DLL4: variants seen among roughly 807,000 people sequenced by gnomAD.
The protein encoded by DLL4 is delta-like protein 4.
DLL4 carries 7 observed loss-of-function variants against 73.6 expected under a neutral mutation model. The ratio of observed to expected loss-of-function variants is 0.10; its 90% confidence interval spans 0.05 to 0.18. The LOEUF is 0.18. Among genes scored for constraint, DLL4 ranks in the 10% least tolerant of loss-of-function variants. The probability of loss-of-function intolerance (pLI) is 1.00; values close to 1 mark genes in which losing one functional copy is unlikely to be tolerated. For synonymous variants in DLL4, 345 were observed against 374.3 expected (o/e 0.92, Z 0.90); for missense variants, 614 against 929.9 (o/e 0.66, Z 4.42).
intron 8 of DLL4, 106 bp downstream of exon 8, chr15:40,935,223 C>A: frequency 9.0e-7 from 1 of 1,116,794 alleles, no homozygotes; most frequent in Non-Finnish European, 1.3e-6. Flanking sequence ...GCCACTCTGG[C>A]CCCCCATCTG....
intron 10 of DLL4, among the ~76,000 whole-genome samples, 194 bp from the exon 11 acceptor site, chr15:40,937,835 G>T (rs1173023566): frequency 3.3e-5 from 5 of 152,148 alleles, no homozygotes; most frequent in Non-Finnish European, 1.5e-5. Flanking sequence ...CTTCCCACTG[G>T]CTTCCTCCAT....
At position 40,930,133 on chromosome 15, in the gene DLL4, C is replaced by A; in HGVS notation, c.336+17C>A. 5 of 1,602,104 alleles carry A rather than the reference C, an allele frequency of 3.1e-6. No homozygotes were observed. The highest frequency in any genetic ancestry group is 4.3e-6 in the Non-Finnish European group (5 of 1,175,006). Reference sequence around the variant, plus strand: ...ACCTGGCCGGTGAGCACAGCCTGGGCGCACTGGGAGGTCGCAGAAGCCGAG... The same window carrying A: ...ACCTGGCCGGTGAGCACAGCCTGGGAGCACTGGGAGGTCGCAGAAGCCGAG... On this transcript the variant is annotated intron_variant, in intron 2 of 10. Coordinates refer to ENST00000249749, the MANE Select transcript of DLL4 (RefSeq NM_019074.4). The surrounding 1 kb of genome is among the most constrained non-coding windows in gnomAD (Gnocchi z 5.7).
In DLL4 at chr15:40,932,451, A is replaced by G. The variant is rs748895075; in HGVS notation, c.850+4A>G. Reference sequence around the variant, plus strand: ...GGAGGCCTGTTTTGTGACCAAGGTGAGTCAGGGTGAAGAGAGGGTGCAGAG... The same window carrying G: ...GGAGGCCTGTTTTGTGACCAAGGTGGGTCAGGGTGAAGAGAGGGTGCAGAG... On this transcript the variant is annotated splice_donor_region_variant and intron_variant, in intron 6 of 10. Transcript: ENST00000249749. 1 of 1,613,834 alleles carries G rather than the reference A, an allele frequency of 6.2e-7. No homozygotes were observed. Among genetic ancestry groups the G allele is most frequent in the Admixed American group, 1.7e-5 (1 of 60,018 alleles).
chr15:40,929,849 C>A lies in DLL4; in HGVS notation c.69C>A (p.Arg23=), dbSNP rs917452596. Residue 23 remains arginine (R), a splice_region_variant and synonymous_variant, in exon 2 of 11, where the codon CGC becomes CGA. Coordinates refer to ENST00000249749, the MANE Select transcript of DLL4 (RefSeq NM_019074.4). The surrounding 1 kb of genome is among the most constrained non-coding windows in gnomAD (Gnocchi z 7.1). The part of the protein sequence containing the change: ...LLLLVALWQQ[R]AAGSGVFQLQ... ...TTCCCTCGGTCCCTGTGCAATAGCG[C>A]GCGGCCGGCTCCGGCGTCTTCCAGC... is the stretch of plus-strand genomic sequence containing the variant. 1 of 1,611,070 alleles carries A rather than the reference C, an allele frequency of 6.2e-7. No homozygotes were observed.
At chr15:40,932,117 G>T (rs1443851721) in intron 4 of DLL4, 54 bp from the exon 5 acceptor site, 2 of 1,604,206 alleles carry the variant, frequency 1.2e-6, no homozygotes, top group Admixed American at 3.3e-5. Context: ...GTGAGAATGG[G>T]GCTTAAGAGT....
chr15:40,938,070 G>C lies in DLL4; in HGVS notation c.*36G>C. ...TACCTGGACATCCCTGCTCAGCCCC[G>C]CGGCTGGACCTTCCTTCTGCATTGT... On this transcript the variant is annotated 3_prime_UTR_variant, in exon 11 of 11. Transcript: ENST00000249749. 1 of 1,524,766 alleles carries C rather than the reference G, an allele frequency of 6.6e-7. No individual in the cohort carries two copies. Among genetic ancestry groups the C allele is most frequent in the Non-Finnish European group, 8.8e-7 (1 of 1,138,338 alleles). 94.5% of individuals were successfully genotyped at this position (1,524,766 alleles called of 1,614,324 possible). A position where few individuals can be genotyped will look rare whatever the true frequency, so the allele number is the denominator to read the frequency against.
At chr15:40,933,009 G>C (rs935623253) in intron 6 of DLL4, among the ~76,000 whole-genome samples, 2 of 152,238 alleles carry the variant, frequency 1.3e-5, no homozygotes, top group South Asian at 4.1e-4. Context: ...TCTACCTGGT[G>C]TTTAGGGGTA....
intron 8 of DLL4, 132 bp downstream of exon 8, chr15:40,935,249 A>G: frequency 2.2e-6 from 2 of 925,774 alleles, no homozygotes; most frequent in East Asian, 2.6e-5. Context: ...GAGGGCGAAG[A>G]GCTTGCTTGA....
rs752798018 is a variant in DLL4 at position 40,932,127 on chromosome 15, T to A, written c.659-44T>A. 1.9e-6 allele frequency: 3 copies of A among 1,609,806 alleles called. No individual in the cohort carries two copies. In the Admixed American group the frequency reaches 5.0e-5, roughly 27 times the overall value. ...AGCAGGTGAGAATGGGGCTTAAGAG[T>A]CCTTGGTATCCCAGCCTCACCCAGC... On this transcript the variant is annotated intron_variant, in intron 4 of 10. Coordinates refer to ENST00000249749, the MANE Select transcript of DLL4 (RefSeq NM_019074.4).
Position 40,931,600 on chromosome 15 carries a change from C to T in DLL4, c.492C>T (p.Leu164=). 6.2e-7 allele frequency: 1 copy of T among 1,613,090 alleles called. No individual in the cohort carries two copies. The highest frequency in any genetic ancestry group is 8.5e-7 in the Non-Finnish European group (1 of 1,179,500). Residue 164 remains leucine (L), a synonymous_variant, in exon 4 of 11, where the codon CTC becomes CTT. Transcript: ENST00000249749. ...NWLLDEQTST[L]TRLRYSYRVI... ...TATTGGATGAGCAAACCAGCACCCT[C>T]ACAAGGCTGCGCTACTCTTACCGGG...
intron 6 of DLL4, 127 bp from the exon 7 acceptor site, chr15:40,934,421 T>G: frequency 1.3e-6 from 1 of 786,766 alleles, no homozygotes; most frequent in South Asian, 2.0e-5. Context: ...GGAAGGATGT[T>G]TGGGCCTGGG....
rs1377506030 is a variant in DLL4 at position 40,929,878 on chromosome 15, A to G, written c.98A>G (p.Gln33Arg). Residue 33 changes from glutamine to arginine, a missense_variant, in exon 2 of 11, where the codon CAG becomes CGG. Gln to Arg is a conservative substitution (Grantham distance 43). This residue lies in a region of DLL4 where 227 missense variants were observed against 370.8 expected (regional missense o/e 0.61). Coordinates refer to ENST00000249749, the MANE Select transcript of DLL4 (RefSeq NM_019074.4). This position sits in a 1 kb window ranked among gnomAD's most constrained non-coding sequence, Gnocchi z 7.1. ...RAAGSGVFQLQLQEFINERGV... is the reference protein window; with the variant it reads ...RAAGSGVFQLRLQEFINERGV... ...GCCGGCTCCGGCGTCTTCCAGCTGC[A>G]GCTGCAGGAGTTCATCAACGAGCGC... 1 of 1,612,592 alleles carries G rather than the reference A, an allele frequency of 6.2e-7. No individual in the cohort carries two copies. Among genetic ancestry groups the G allele is most frequent in the East Asian group, 2.2e-5 (1 of 44,872 alleles).
At chr15:40,933,438 A>G (rs921223461) in intron 6 of DLL4, among the ~76,000 whole-genome samples, 1 of 152,164 alleles carries the variant, frequency 6.6e-6, no homozygotes, top group Non-Finnish European at 1.5e-5. Context: ...CAGGCCATAT[A>G]TTTACTCTGT....
intron 8 of DLL4, 35 bp from the exon 9 acceptor site, chr15:40,936,193 G>A (rs765165782): frequency 6.6e-7 from 1 of 1,514,662 alleles, no homozygotes; most frequent in South Asian, 1.3e-5. Context: ...GAGCTCCCAG[G>A]CTATCACTGA....
chr15:40,930,252 T>A lies in DLL4; in HGVS notation c.336+136T>A. On this transcript the variant is annotated intron_variant, in intron 2 of 10. Coordinates refer to ENST00000249749, the MANE Select transcript of DLL4 (RefSeq NM_019074.4). The surrounding 1 kb of genome is among the most constrained non-coding windows in gnomAD (Gnocchi z 5.7). The stretch of plus-strand genomic sequence containing the variant: ...AGCCCAGGATGCATTCTTTCCTGGC[T>A]CTTCCCGACTCTCTCCTGAGACTGA... 1 of 1,065,952 alleles carries A rather than the reference T, an allele frequency of 9.4e-7. No homozygotes were observed. The highest frequency in any genetic ancestry group is 1.3e-6 in the Non-Finnish European group (1 of 749,462). The allele number at this position is 1,065,952 out of a possible 1,614,324, so 66.0% of individuals were successfully genotyped here.
chr15:40,931,027 C>T, intron 3 of DLL4: 1 of 445,084 alleles, frequency 2.2e-6, no homozygotes, highest in Non-Finnish European at 4.0e-6. Context: ...TGTTCTGACA[C>T]AGAGGAAAAG....
At chr15:40,933,496 A>G (rs1892800148) in intron 6 of DLL4, among the ~76,000 whole-genome samples, 1 of 152,134 alleles carries the variant, frequency 6.6e-6, no homozygotes, top group African/African-American at 2.4e-5. Context: ...AAATACTTAT[A>G]TTTCAAAATA....
In DLL4 at chr15:40,938,224, G is replaced by A; in HGVS notation, c.*190G>A. 1 of 519,802 alleles carries A rather than the reference G, an allele frequency of 1.9e-6. No individual in the cohort carries two copies. Among genetic ancestry groups the A allele is most frequent in the Non-Finnish European group, 3.2e-6 (1 of 313,592 alleles). 32.2% of individuals were successfully genotyped at this position (519,802 alleles called of 1,614,324 possible). ...GCAATACCCTTCCACACCTTTGGGT[G>A]TCTGTCTGGCATCAGATTGGCAGCT... On this transcript the variant is annotated 3_prime_UTR_variant, in exon 11 of 11. Coordinates refer to ENST00000249749, the MANE Select transcript of DLL4 (RefSeq NM_019074.4).
chr15:40,930,208 C>T lies in DLL4; in HGVS notation c.336+92C>T, dbSNP rs1210616650. 10 of 1,443,444 alleles carry T rather than the reference C, an allele frequency of 6.9e-6. No individual in the cohort carries two copies. The highest frequency in any genetic ancestry group is 9.4e-6 in the Non-Finnish European group (10 of 1,069,202). 89.4% of individuals were successfully genotyped at this position (1,443,444 alleles called of 1,614,324 possible). On this transcript the variant is annotated intron_variant, in intron 2 of 10. Transcript: ENST00000249749. This position sits in a 1 kb window ranked among gnomAD's most constrained non-coding sequence, Gnocchi z 5.7. ...CCCCCTCCCCAGATTTCCTTGTACA[C>T]ACACCCCCACCCCCAAAAAGCCCAG...
Sources: allele counts gnomAD v4.1 joint callset (sites outside exome capture counted in the v4.1 genomes callset), GRCh38; gene constraint gnomAD v4.1.1; regional missense constraint gnomAD v4.1.1; non-coding constraint Gnocchi (gnomAD v3.1); transcripts MANE v1.5; gene names NCBI Gene and HGNC (gene_info 2026-07-23, HGNC 2026-07-21).